MASTL: variants seen among roughly 807,000 people sequenced by gnomAD.
MASTL encodes serine/threonine-protein kinase greatwall.
Under a neutral mutation model 82.5 loss-of-function variants are expected in MASTL, and 54 were observed. That is an observed-to-expected ratio of 0.65 (90% CI 0.53 to 0.82). The LOEUF is 0.82. MASTL is among the 40% of genes least tolerant of loss of function. MASTL has a pLI of 0.00. For synonymous variants in MASTL, 323 were observed against 368.9 expected, an observed-to-expected ratio of 0.88 and a Z score of 1.43; for missense variants, 950 against 1,047.8, an observed-to-expected ratio of 0.91 and a Z score of 1.29.
intron 11 of MASTL, among the ~76,000 whole-genome samples, chr10:27,184,599 T>A (rs1287311842): frequency 7.0e-6 from 1 of 143,238 alleles, no homozygotes; most frequent in Non-Finnish European, 1.5e-5. Flanking sequence ...CTCGTTCTGT[T>A]GCCCAGGCTG....
At chr10:27,180,857 C>A in intron 9 of MASTL, 96 bp from the exon 10 acceptor site, 1 of 840,630 alleles carries the variant, frequency 1.2e-6, no homozygotes. Flanking sequence ...CAGCCTAACT[C>A]GTTTTCCCTA....
chr10:27,182,762 A>G (rs759092576), intron 11 of MASTL, among the ~76,000 whole-genome samples: 2 of 146,884 alleles, frequency 1.4e-5, no homozygotes, highest in Non-Finnish European at 3.0e-5. Context: ...TATTTATCTC[A>G]AGTATCTAAA....
upstream of MASTL, chr10:27,155,240 A>G (rs2057311223): frequency 4.8e-6 from 3 of 623,220 alleles, no homozygotes; most frequent in South Asian, 5.9e-5. Flanking sequence ...AAGGCTGCGA[A>G]GTCGGGGCTT....
intron 9 of MASTL, among the ~76,000 whole-genome samples, chr10:27,176,621 CT>C: frequency 6.6e-6 from 1 of 152,236 alleles, no homozygotes; most frequent in East Asian, 1.9e-4. Context: ...AGCCAGTTTC[CT>C]AGTATCTTCC....
chr10:27,171,429 ATTATTAT>A lies in MASTL; in HGVS notation c.2124+348_2124+354del, dbSNP rs1396225281. ...TTACAAAATTATTATTATTATTATT[ATTATTAT>A]TATTATTATTATTATTGAGACAGTC... On this transcript the variant is annotated intron_variant, in intron 8 of 11. Transcript: ENST00000375940. 2.0e-5 allele frequency among the ~76,000 whole-genome samples: 3 copies of A among 149,432 alleles called. No homozygotes were observed. In the East Asian group the frequency reaches 5.9e-4, roughly 29 times the overall value.
At chr10:27,183,525 C>CT (rs1161363438) in intron 11 of MASTL, among the ~76,000 whole-genome samples, 1 of 152,046 alleles carries the variant, frequency 6.6e-6, no homozygotes, top group Non-Finnish European at 1.5e-5. Context: ...CCTTGTGATC[C>CT]TCCTGCCTCG....
Position 27,186,504 on chromosome 10 carries a change from C to G in MASTL, c.2608C>G (p.Gln870Glu), listed in dbSNP as rs369916275. The G allele has an allele frequency of 6.2e-7, 1 of 1,613,962 alleles. No homozygotes were observed. The highest frequency in any genetic ancestry group is 8.5e-7 in the Non-Finnish European group (1 of 1,179,986). ...CTATTTTGAAGCCAGGAATACTGCT[C>G]AGCACCTGACTGTATCTGGATTTAG... is the stretch of plus-strand genomic sequence containing the variant. The part of the protein sequence containing the change: ...TSYFEARNTA[Q>E]HLTVSGFSL The change falls in exon 12 of 12, where the codon CAG becomes GAG. Residue 870 changes from glutamine to glutamate, a missense_variant. Transcript: ENST00000375940.
rs7909522 is a variant in MASTL at position 27,158,257 on chromosome 10, C to T, written c.187-292C>T. On this transcript the variant is annotated intron_variant, in intron 1 of 11. Transcript: ENST00000375940. ...AAACAAGGCAGGGAGCTGTGGCTTCCACGTGTAATCCCAGCACTTTGACAG... is the reference window on the plus strand; with the variant it reads ...AAACAAGGCAGGGAGCTGTGGCTTCTACGTGTAATCCCAGCACTTTGACAG... Among the ~76,000 whole-genome samples the T allele has an allele frequency of 3.3e-3, 497 of 152,298 alleles. 2 individuals carry two copies. The highest frequency in any genetic ancestry group is 0.011 in the African/African-American group (472 of 41,554).
At chr10:27,157,558 C>CT (rs2057432526) in intron 1 of MASTL, among the ~76,000 whole-genome samples, 1 of 152,246 alleles carries the variant, frequency 6.6e-6, no homozygotes, top group African/African-American at 2.4e-5. Flanking sequence ...AGAAATATGC[C>CT]TTTTTTTCTT....
chr10:27,160,159 CTTTTTTTTTT>C (rs58196933), intron 3 of MASTL, among the ~76,000 whole-genome samples: 1 of 40,574 alleles, frequency 2.5e-5, no homozygotes, highest in Admixed American at 4.4e-4. Context: ...TTACTCTTGG[CTTTTTTTTTT>C]TTTTTTTTTT....
In MASTL at chr10:27,170,444, G is replaced by T. The variant is rs779148930; in HGVS notation, c.1485G>T (p.Val495=). 10 of 1,614,094 alleles carry T rather than the reference G, an allele frequency of 6.2e-6. No individual in the cohort carries two copies. Among genetic ancestry groups the T allele is most frequent in the Non-Finnish European group, 8.5e-6 (10 of 1,180,002 alleles). ...AAGTGCAGGACCTTAAGCTATCAGT[G>T]CACAAAAGTCAACAAAATGACTGTG... ...TVEVQDLKLS[V]HKSQQNDCAN... Residue 495 remains valine, a synonymous_variant, in exon 8 of 12, where the codon GTG becomes GTT. Coordinates refer to ENST00000375940, the MANE Select transcript of MASTL (RefSeq NM_001172303.3).
Position 27,159,179 on chromosome 10 carries a change from C to G in MASTL, c.325-440C>G, listed in dbSNP as rs138085958. Among the ~76,000 whole-genome samples, 103 of 152,292 alleles carry G rather than the reference C, an allele frequency of 6.8e-4. No individual in the cohort carries two copies. Among genetic ancestry groups the G allele is most frequent in the African/African-American group, 2.4e-3 (99 of 41,554 alleles). On this transcript the variant is annotated intron_variant, in intron 2 of 11. Coordinates refer to ENST00000375940, the MANE Select transcript of MASTL (RefSeq NM_001172303.3). The surrounding 1 kb of genome is among the most constrained non-coding windows in gnomAD (Gnocchi z 4.0). ...GACTGCAGTGGTGCAATCTTGGCCA[C>G]TCTGCACCTCCTGGGTTCAAGCAAT...
Position 27,170,678 on chromosome 10 carries a change from TC to T in MASTL, c.1721del (p.Pro574LeufsTer5). On this transcript the variant is annotated frameshift_variant, in exon 8 of 12. Coordinates refer to ENST00000375940, the MANE Select transcript of MASTL (RefSeq NM_001172303.3). LOFTEE classifies it high-confidence loss of function. ...NISMNSDSSF[P>X]GISIMESPLE... ...TTTCTATGAACTCTGATTCATCTTT[TC>T]CTGGAATTTCTATAATGGAAAGTCC... 1 of 1,612,168 alleles carries T rather than the reference TC, an allele frequency of 6.2e-7. No individual in the cohort carries two copies. Among genetic ancestry groups the T allele is most frequent in the Non-Finnish European group, 8.5e-7 (1 of 1,179,580 alleles).
intron 9 of MASTL, among the ~76,000 whole-genome samples, chr10:27,174,333 C>A (rs563790436): frequency 1.5e-4 from 23 of 151,812 alleles, no homozygotes; most frequent in African/African-American, 5.1e-4. Flanking sequence ...CGAGCCTGGG[C>A]AACAGAGCAA....
intron 9 of MASTL, 90 bp downstream of exon 9, chr10:27,173,349 A>G: frequency 1.4e-6 from 2 of 1,430,932 alleles, no homozygotes; most frequent in Admixed American, 1.7e-5. Flanking sequence ...TTCAGTACTT[A>G]CGTTACCTAA....
chr10:27,164,833 T>C (rs1475967194), intron 4 of MASTL, among the ~76,000 whole-genome samples: 1 of 151,894 alleles, frequency 6.6e-6, no homozygotes. Context: ...AGACAGTGTT[T>C]CACCATGTTG....
At position 27,161,117 on chromosome 10, in the gene MASTL, T is replaced by G; in HGVS notation, c.488T>G (p.Leu163Arg). 1 of 1,613,140 alleles carries G rather than the reference T, an allele frequency of 6.2e-7. No homozygotes were observed. ...IHRDLKPDNM[L>R]ISNEGHIKLT... ...AGGGACTTGAAACCGGACAATATGC[T>G]TATTTCTAATGAGGGTCATATTAAA... Residue 163 changes from leucine (L) to arginine (R), a missense_variant, in exon 4 of 12, where the codon CTT becomes CGT. Physicochemically the swap from Leu to Arg is moderately radical, Grantham distance 102. Coordinates refer to ENST00000375940, the MANE Select transcript of MASTL (RefSeq NM_001172303.3).
chr10:27,170,953 C>T lies in MASTL; in HGVS notation c.1994C>T (p.Ser665Phe). ...FRSFNSHINASNNSEPSRMNM... is the reference protein window; with the variant it reads ...FRSFNSHINAFNNSEPSRMNM... Reference sequence around the variant, plus strand: ...AGTTTTAACAGTCATATTAATGCATCCAATAACTCAGAACCATCCAGAATG... The same window carrying T: ...AGTTTTAACAGTCATATTAATGCATTCAATAACTCAGAACCATCCAGAATG... Residue 665 changes from serine to phenylalanine, a missense_variant, in exon 8 of 12, where the codon TCC becomes TTC. Coordinates refer to ENST00000375940, the MANE Select transcript of MASTL (RefSeq NM_001172303.3). The T allele has an allele frequency of 6.2e-7, 1 of 1,614,138 alleles. No individual in the cohort carries two copies.
chr10:27,166,991 CATATTAATATGTAATTCTT>C, intron 6 of MASTL, 92 bp from the exon 7 acceptor site: 2 of 130,122 alleles, frequency 1.5e-5, no homozygotes, highest in Non-Finnish European at 3.3e-5. Context: ...ATTCTTAATA[CATATTAATATGTAATTCTT>C]GATACTTTGC....
Sources: allele counts gnomAD v4.1 joint callset (sites outside exome capture counted in the v4.1 genomes callset), GRCh38; gene constraint gnomAD v4.1.1; non-coding constraint Gnocchi (gnomAD v3.1); transcripts MANE v1.5; gene names NCBI Gene and HGNC (gene_info 2026-07-23, HGNC 2026-07-21).